The following POLA2 variants were observed in gnomAD, a reference collection of about 807,000 sequenced individuals.
The protein encoded by POLA2 is DNA polymerase alpha subunit B.
Under a neutral mutation model 82.8 loss-of-function variants are expected in POLA2, and 47 were observed. The observed-to-expected ratio is 0.57, with a 90% CI of 0.45 to 0.72. POLA2 has a LOEUF of 0.72. Among genes scored for constraint, POLA2 ranks in the 30% least tolerant of loss-of-function variants. POLA2 has a pLI of 0.00. For synonymous variants in POLA2, 287 were observed against 286.8 expected (o/e 1.00, Z -0.01); for missense variants, 634 against 728.1 (o/e 0.87, Z 1.49).
chr11:65,277,326 T>G (rs1949592484), intron 5 of POLA2, among the ~76,000 whole-genome samples: 1 of 152,022 alleles, frequency 6.6e-6, no homozygotes. Flanking sequence ...TACAGGTGTA[T>G]GCTACCAAGC....
At chr11:65,267,236 A>G (rs1253098220) in intron 2 of POLA2, among the ~76,000 whole-genome samples, 1 of 152,130 alleles carries the variant, frequency 6.6e-6, no homozygotes. Flanking sequence ...GACATAAAGC[A>G]CTTAAAACTA....
chr11:65,272,601 T>C (rs1313991000), intron 4 of POLA2, among the ~76,000 whole-genome samples: 2 of 152,246 alleles, frequency 1.3e-5, no homozygotes, highest in Non-Finnish European at 2.9e-5. Flanking sequence ...ATTATATTTC[T>C]AGTAAATTAA....
chr11:65,282,196 T>A (rs547804882), intron 9 of POLA2, among the ~76,000 whole-genome samples: 32 of 152,320 alleles, frequency 2.1e-4, no homozygotes, highest in Non-Finnish European at 3.8e-4. Flanking sequence ...CACTGATACT[T>A]TAGGCACCTG....
chr11:65,280,132 T>C (rs1949625251), intron 7 of POLA2: 1 of 152,868 alleles, frequency 6.5e-6, no homozygotes, highest in South Asian at 2.1e-4. Flanking sequence ...AGGGGAAATA[T>C]ATTCTAGAAG....
chr11:65,300,675 C>T (rs545337106), downstream of POLA2, among the ~76,000 whole-genome samples: 84 of 152,190 alleles, frequency 5.5e-4, no homozygotes, highest in African/African-American at 1.9e-3. Context: ...CTCCACCTTC[C>T]GGGTTCAAAC....
Position 65,282,552 on chromosome 11 carries a change from A to G in POLA2, c.1006+31A>G, listed in dbSNP as rs761558476. ...TTTCGGTTCAAATATTGTTTTGCCA[A>G]CAATGAGGATGGTAGACATGAGTCC... On this transcript the variant is annotated intron_variant, in intron 10 of 17. Transcript: ENST00000265465. 15 of 1,587,774 alleles carry G rather than the reference A, an allele frequency of 9.4e-6. No homozygotes were observed. The African/African-American group carries it at 1.2e-4, about 13-fold the overall frequency.
chr11:65,266,936 C>T (rs1052027684), intron 2 of POLA2, among the ~76,000 whole-genome samples: 2 of 152,116 alleles, frequency 1.3e-5, no homozygotes, highest in East Asian at 1.9e-4. Flanking sequence ...GGCTGGGCGC[C>T]GTGGCTCATG....
chr11:65,279,722 T>C, intron 7 of POLA2, 96 bp downstream of exon 7: 2 of 878,962 alleles, frequency 2.3e-6, no homozygotes, highest in Non-Finnish European at 3.7e-6. Context: ...ACTTCTTGTC[T>C]GTGTTCTAGT....
intron 4 of POLA2, among the ~76,000 whole-genome samples, chr11:65,274,371 C>A (rs896807519): frequency 1.4e-5 from 2 of 143,040 alleles, no homozygotes; most frequent in African/African-American, 2.6e-5. Flanking sequence ...AATTCCGTCT[C>A]GGAAAAAAAA....
chr11:65,284,619 G>A (rs1176217790), intron 10 of POLA2, among the ~76,000 whole-genome samples: 2 of 151,174 alleles, frequency 1.3e-5, no homozygotes, highest in African/African-American at 4.9e-5. Context: ...TCCACCTCCC[G>A]GGTTCAAGCG....
intron 15 of POLA2, chr11:65,294,886 C>T (rs1168132664): frequency 1.8e-5 from 7 of 392,878 alleles, no homozygotes; most frequent in Non-Finnish European, 3.2e-5. Flanking sequence ...CAAAGAACCA[C>T]GTCCATTCTG....
intron 5 of POLA2, 43 bp downstream of exon 5, chr11:65,276,041 C>A: frequency 9.0e-7 from 1 of 1,110,166 alleles, no homozygotes; most frequent in Non-Finnish European, 1.3e-6. Flanking sequence ...GCTGGCCTCC[C>A]CTCCCCTTTC....
In POLA2 at chr11:65,279,546, T is replaced by C. The variant is rs1949617851; in HGVS notation, c.664T>C (p.Cys222Arg). The change falls in exon 7 of 18, where the codon TGT becomes CGT. Residue 222 changes from cysteine (C) to arginine (R), a missense_variant. Coordinates refer to ENST00000265465, the MANE Select transcript of POLA2 (RefSeq NM_002689.4). ...KLPDIREVLTCKIEELGSELK... is the reference protein window; with the variant it reads ...KLPDIREVLTRKIEELGSELK... The stretch of plus-strand genomic sequence containing the variant: ...CACTTCTGGGATTGTAGTTCTGACC[T>C]GTAAGATAGAAGAACTTGGCAGCGA... The C allele has an allele frequency of 6.2e-7, 1 of 1,610,576 alleles. No homozygotes were observed. The highest frequency in any genetic ancestry group is 1.1e-5 in the South Asian group (1 of 90,656).
downstream of POLA2, among the ~76,000 whole-genome samples, chr11:65,299,536 C>A (rs762849865): frequency 3.9e-5 from 6 of 152,232 alleles, no homozygotes; most frequent in Non-Finnish European, 7.3e-5. Flanking sequence ...AGGTTGGGGG[C>A]CGGCAGGGCC....
chr11:65,295,313 A>G (rs1949798225), intron 15 of POLA2, among the ~76,000 whole-genome samples: 1 of 152,032 alleles, frequency 6.6e-6, no homozygotes, highest in Non-Finnish European at 1.5e-5. Flanking sequence ...ATTATGAGGG[A>G]TTCCTGTGCT....
rs979652120 is a variant in POLA2, at chr11:65,297,497, C to A, written c.*228C>A. On this transcript the variant is annotated 3_prime_UTR_variant, in exon 18 of 18. Transcript: ENST00000265465. ...AGCTCTTGCTTCTCAGTCCATGCTC[C>A]GTGTCCAGAAGTAAGCCAGCTGTGG... 7.3e-6 allele frequency: 3 copies of A among 410,572 alleles called. No homozygotes were observed. The highest frequency in any genetic ancestry group is 8.6e-6 in the Non-Finnish European group (2 of 233,908). The allele number at this position is 410,572 out of a possible 1,614,324, so 25.4% of individuals were successfully genotyped here.
chr11:65,282,710 G>A (rs564595497), intron 10 of POLA2, among the ~76,000 whole-genome samples, 189 bp downstream of exon 10: 2 of 152,334 alleles, frequency 1.3e-5, no homozygotes, highest in South Asian at 4.1e-4. Context: ...CCCAGTGAGC[G>A]TTGGTCGTGC....
At chr11:65,263,472 C>T (rs994643650) in intron 1 of POLA2, among the ~76,000 whole-genome samples, 1 of 152,120 alleles carries the variant, frequency 6.6e-6, no homozygotes, top group African/African-American at 2.4e-5. Flanking sequence ...GATCCACCCA[C>T]CTTGGCCTTC....
chr11:65,302,760 ACT>A (rs1949865744), downstream of POLA2, among the ~76,000 whole-genome samples: 2 of 151,276 alleles, frequency 1.3e-5, no homozygotes. Flanking sequence ...ACAGAGTCTC[ACT>A]CTGTCGCCCA....
Sources: allele counts gnomAD v4.1 joint callset (sites outside exome capture counted in the v4.1 genomes callset), GRCh38; gene constraint gnomAD v4.1.1; transcripts MANE v1.5; gene names NCBI Gene and HGNC (gene_info 2026-07-23, HGNC 2026-07-21).